SREK1IP1: variants seen among roughly 807,000 people sequenced by gnomAD.
The protein encoded by SREK1IP1 is protein SREK1IP1.
SREK1IP1 carries 12 observed loss-of-function variants against 22.8 expected under a neutral mutation model. The observed-to-expected ratio is 0.53, with a 90% confidence interval of 0.34 to 0.85. SREK1IP1 has a LOEUF of 0.85. Among genes scored for constraint, SREK1IP1 ranks in the 40% least tolerant of loss-of-function variants. The pLI is 0.02. For missense variants in SREK1IP1, 147 were observed against 171.8 expected (o/e 0.86, Z 0.81); for synonymous variants, 53 against 52.7 (o/e 1.01, Z -0.02).
At chr5:64,751,260 C>T (rs968207185) in intron 2 of SREK1IP1, among the ~76,000 whole-genome samples, 2 of 152,132 alleles carry the variant, frequency 1.3e-5, no homozygotes, top group African/African-American at 4.8e-5. Flanking sequence ...ACTTTTCCCT[C>T]GGTTTATGCC....
At chr5:64,742,935 A>G (rs914303925) in intron 2 of SREK1IP1, among the ~76,000 whole-genome samples, 1 of 152,180 alleles carries the variant, frequency 6.6e-6, no homozygotes, top group Non-Finnish European at 1.5e-5. Context: ...TAACAAATGA[A>G]TCATTCAGAA....
intron 2 of SREK1IP1, among the ~76,000 whole-genome samples, chr5:64,749,711 G>A (rs777972620): frequency 4.6e-5 from 7 of 152,118 alleles, no homozygotes; most frequent in Admixed American, 3.9e-4. Flanking sequence ...AAAGTGCTAG[G>A]ATTACAGGCA....
intron 3 of SREK1IP1, among the ~76,000 whole-genome samples, chr5:64,738,614 T>G (rs1742504073): frequency 6.6e-6 from 1 of 152,122 alleles, no homozygotes; most frequent in South Asian, 2.1e-4. Context: ...AAAATAGTAT[T>G]GTACTGACAT....
chr5:64,727,694 G>A (rs1361572773), intron 4 of SREK1IP1: 2 of 152,396 alleles, frequency 1.3e-5, no homozygotes, highest in African/African-American at 4.9e-5. Flanking sequence ...ACAGGTACAT[G>A]CCACCACACT....
Position 64,768,641 on chromosome 5 carries a change from C to T in SREK1IP1, c.-124G>A. On this transcript the variant is annotated 5_prime_UTR_variant, in exon 1 of 5. Transcript: ENST00000513458. ...TTCCCCCAGCGCAGCAGCACCCTCG[C>T]TACGGTCGGGAAGGGCCTGTACGCC... 1.4e-6 allele frequency: 2 copies of T among 1,429,436 alleles called. No homozygotes were observed. Among genetic ancestry groups the T allele is most frequent in the South Asian group, 2.4e-5 (2 of 84,278 alleles). 88.5% of individuals were successfully genotyped at this position (1,429,436 alleles called of 1,614,324 possible).
rs1742166254 is a variant in SREK1IP1, at chr5:64,721,720, G to C, written c.*2664C>G. 1 of 152,164 alleles carries C rather than the reference G, an allele frequency of 6.6e-6. No individual in the cohort carries two copies. The highest frequency in any genetic ancestry group is 1.5e-5 in the Non-Finnish European group (1 of 68,022). 9.4% of individuals were successfully genotyped at this position (152,164 alleles called of 1,614,324 possible). A position where few individuals can be genotyped will look rare whatever the true frequency, so the allele number is the denominator to read the frequency against. On this transcript the variant is annotated 3_prime_UTR_variant, in exon 5 of 5. Transcript: ENST00000513458. ...TGGTGAAAATGACATGCATTAGGTT[G>C]TAAGAATATGAACCAAATATCAATT...
At chr5:64,754,895 A>T (rs1211376784) in intron 1 of SREK1IP1, 1 of 152,242 alleles carries the variant, frequency 6.6e-6, no homozygotes, top group Non-Finnish European at 1.5e-5. Flanking sequence ...TACATCAATA[A>T]CATTTTTTTC....
chr5:64,743,796 T>G (rs1011502843), intron 2 of SREK1IP1, among the ~76,000 whole-genome samples: 2 of 152,210 alleles, frequency 1.3e-5, no homozygotes, highest in African/African-American at 4.8e-5. Flanking sequence ...TCACCAGTAG[T>G]GCTTTTGCCT....
At chr5:64,739,879 G>T (rs1742524511) in intron 3 of SREK1IP1, among the ~76,000 whole-genome samples, 1 of 151,848 alleles carries the variant, frequency 6.6e-6, no homozygotes, top group South Asian at 2.1e-4. Flanking sequence ...ACCTTAACTG[G>T]ACATAATATG....
intron 1 of SREK1IP1, among the ~76,000 whole-genome samples, chr5:64,765,516 C>T (rs543248145): frequency 3.9e-5 from 6 of 152,120 alleles, no homozygotes; most frequent in African/African-American, 1.4e-4. Flanking sequence ...CCTTTAATAC[C>T]CTGTCTGGAT....
chr5:64,768,422 C>T, intron 1 of SREK1IP1, 83 bp downstream of exon 1: 8 of 1,588,680 alleles, frequency 5.0e-6, no homozygotes, highest in Non-Finnish European at 6.9e-6. Context: ...ATGGGCGCTG[C>T]TCCGTACACG....
chr5:64,747,249 C>G (rs1742653765), intron 2 of SREK1IP1, among the ~76,000 whole-genome samples: 1 of 152,132 alleles, frequency 6.6e-6, no homozygotes, highest in Non-Finnish European at 1.5e-5. Flanking sequence ...CATCCTTCTC[C>G]CCTTTCTAGA....
chr5:64,762,823 G>A (rs1363958895), intron 1 of SREK1IP1, among the ~76,000 whole-genome samples: 1 of 151,774 alleles, frequency 6.6e-6, no homozygotes, highest in African/African-American at 2.4e-5. Context: ...AGGCTGAGGT[G>A]GGTGGATCAC....
intron 2 of SREK1IP1, among the ~76,000 whole-genome samples, chr5:64,751,700 G>A (rs942600377): frequency 6.6e-6 from 1 of 152,128 alleles, no homozygotes; most frequent in Admixed American, 6.5e-5. Context: ...AGATTTCTAG[G>A]GAGGCAGTAC....
At chr5:64,731,521 C>CAAAAAAAAAAAAAAAAAAAAAAAA (rs10599290) in intron 3 of SREK1IP1, among the ~76,000 whole-genome samples, 62 of 74,624 alleles carry the variant, frequency 8.3e-4, no homozygotes, top group African/African-American at 2.4e-3. Context: ...GCCCTTGTCT[C>CAAAAAAAAAAAAAAAAAAAAAAAA]AAAAAAAAAA....
At chr5:64,751,965 C>T (rs1415860741) in intron 2 of SREK1IP1, among the ~76,000 whole-genome samples, 2 of 152,038 alleles carry the variant, frequency 1.3e-5, no homozygotes. Flanking sequence ...GTCTACTATA[C>T]TAATCTTTTA....
chr5:64,724,700 T>C, intron 4 of SREK1IP1, 127 bp from the exon 5 acceptor site: 1 of 729,202 alleles, frequency 1.4e-6, no homozygotes, highest in Non-Finnish European at 2.1e-6. Context: ...ACTTAAAAAA[T>C]GCTTCATATA....
intron 1 of SREK1IP1, 148 bp from the exon 2 acceptor site, chr5:64,754,510 G>T: frequency 1.5e-6 from 1 of 681,072 alleles, no homozygotes; most frequent in Non-Finnish European, 2.5e-6. Context: ...TGTCACCAAG[G>T]CTAGAGTACA....
intron 1 of SREK1IP1, among the ~76,000 whole-genome samples, chr5:64,757,627 C>G (rs1251383543): frequency 1.3e-5 from 2 of 152,148 alleles, no homozygotes; most frequent in Non-Finnish European, 2.9e-5. Context: ...GACCTCAGTT[C>G]ACCGCAAATG....
Sources: allele counts gnomAD v4.1 joint callset (sites outside exome capture counted in the v4.1 genomes callset), GRCh38; gene constraint gnomAD v4.1.1; transcripts MANE v1.5; gene names NCBI Gene and HGNC (gene_info 2026-07-23, HGNC 2026-07-21).